MOXD1: variants seen among roughly 807,000 people sequenced by gnomAD.
MOXD1 encodes the protein monooxygenase DBH like 1.
MOXD1 carries 62 observed loss-of-function variants against 66.6 expected under a neutral mutation model. The ratio of observed to expected loss-of-function variants is 0.93; its 90% CI spans 0.76 to 1.15. MOXD1 has a LOEUF of 1.15. Among genes scored for constraint, MOXD1 ranks in the 50% most tolerant of loss-of-function variants. MOXD1 has a pLI of 0.00. For synonymous variants in MOXD1, 303 were observed against 281.9 expected (o/e 1.07, Z -0.75); for missense variants, 847 against 754.6 (o/e 1.12, Z -1.44).
rs571108976 is a variant in MOXD1, at chr6:132,340,506, C to G, written c.664-11912G>C. On this transcript the variant is annotated intron_variant, in intron 4 of 11. Coordinates refer to ENST00000367963, the MANE Select transcript of MOXD1 (RefSeq NM_015529.4). ...AAGGTGGAAATTTTAATTCGGCTAT[C>G]TGGAAAAATATACATATAAAACAAA... Among the ~76,000 whole-genome samples, 14 of 136,906 alleles carry G rather than the reference C, an allele frequency of 1.0e-4. No homozygotes were observed. The South Asian group carries it at 3.0e-3, about 30-fold the overall frequency. 89.8% of individuals were successfully genotyped at this position (136,906 alleles called of 152,430 possible).
intron 1 of MOXD1, among the ~76,000 whole-genome samples, chr6:132,385,838 C>T (rs1582608636): frequency 6.6e-6 from 1 of 152,130 alleles, no homozygotes; most frequent in Admixed American, 6.5e-5. Context: ...CGAGGTGGCT[C>T]ACGCCTGTAA....
chr6:132,372,622 G>A lies in MOXD1; in HGVS notation c.649C>T (p.His217Tyr), dbSNP rs1776286839. The A allele has an allele frequency of 6.2e-7, 1 of 1,612,738 alleles. No homozygotes were observed. Among genetic ancestry groups the A allele is most frequent in the Non-Finnish European group, 8.5e-7 (1 of 1,178,954 alleles). Residue 217 changes from histidine to tyrosine, a missense_variant, in exon 4 of 12, where the codon CAT becomes TAT. Transcript: ENST00000367963. ...GAGTCACATACCTTTATTACATGAT[G>A]CTTTTCTTGGAACACAGGAATCTTA... is the stretch of plus-strand genomic sequence containing the variant. ...MFKIPVFQEK[H>Y]HVIKVEPVIQ...
At chr6:132,322,102 T>C (rs980794953) in intron 8 of MOXD1, among the ~76,000 whole-genome samples, 3 of 152,180 alleles carry the variant, frequency 2.0e-5, no homozygotes, top group South Asian at 2.1e-4. Flanking sequence ...TTGATGGTCA[T>C]GGAATAAAAA....
rs577681724 is a variant in MOXD1, at chr6:132,392,082, C to T, written c.264+9081G>A. The T allele has an allele frequency of 2.2e-3, 2,660 of 1,200,232 alleles. 3 individuals are homozygous for T. The highest frequency in any genetic ancestry group is 2.6e-3 in the Non-Finnish European group (2,302 of 877,230). The allele number at this position is 1,200,232 out of a possible 1,614,324, so 74.3% of individuals were successfully genotyped here. ...GGTTGCACACTCTCTTCATCTCTCC[C>T]TTACAGCCTTTCAATTTGCTTTCCA... On this transcript the variant is annotated intron_variant, in intron 1 of 11. Transcript: ENST00000367963.
At chr6:132,340,638 A>ATC (rs1562287208) in intron 4 of MOXD1, among the ~76,000 whole-genome samples, 9 of 98,784 alleles carry the variant, frequency 9.1e-5, no homozygotes, top group African/African-American at 2.7e-4. Flanking sequence ...AACAAGACTC[A>ATC]TTTTTTTTTT....
chr6:132,356,081 C>G (rs1775905099), intron 4 of MOXD1, among the ~76,000 whole-genome samples: 1 of 152,184 alleles, frequency 6.6e-6, no homozygotes, highest in South Asian at 2.1e-4. Flanking sequence ...CCTCTGGGGA[C>G]AGACAGTACC....
At chr6:132,352,129 T>G (rs187299372) in intron 4 of MOXD1, among the ~76,000 whole-genome samples, 1 of 152,226 alleles carries the variant, frequency 6.6e-6, no homozygotes, top group Admixed American at 6.5e-5. Flanking sequence ...TTTCCATTTC[T>G]TTTAGTTCAG....
intron 1 of MOXD1, among the ~76,000 whole-genome samples, chr6:132,382,539 C>T (rs1311824243): frequency 1.3e-5 from 2 of 152,028 alleles, no homozygotes; most frequent in Non-Finnish European, 2.9e-5. Context: ...CTTGTTTATA[C>T]ATTTTTAGAT....
intron 4 of MOXD1, among the ~76,000 whole-genome samples, chr6:132,330,841 T>C (rs1423220958): frequency 1.3e-5 from 2 of 152,188 alleles, no homozygotes; most frequent in East Asian, 1.9e-4. Flanking sequence ...AAATGGTATG[T>C]AGTGGGTCGT....
intron 10 of MOXD1, among the ~76,000 whole-genome samples, chr6:132,305,690 T>A (rs147639777): frequency 2.0e-5 from 3 of 152,158 alleles, no homozygotes; most frequent in African/African-American, 7.2e-5. Flanking sequence ...TGGAGTGTCA[T>A]CTCCAGGTGT....
chr6:132,385,557 C>T (rs1248608638), intron 1 of MOXD1, among the ~76,000 whole-genome samples: 1 of 151,140 alleles, frequency 6.6e-6, no homozygotes, highest in African/African-American at 2.4e-5. Context: ...AATCTTGGCT[C>T]CCTGCAATCT....
chr6:132,389,833 T>C (rs1776722267), intron 1 of MOXD1, among the ~76,000 whole-genome samples: 1 of 151,436 alleles, frequency 6.6e-6, no homozygotes, highest in Non-Finnish European at 1.5e-5. Context: ...TTTCCTTTTA[T>C]AAGTGAGGTT....
rs926430698 is a variant in MOXD1 at position 132,379,145 on chromosome 6, C to T, written c.265-4368G>A. On this transcript the variant is annotated intron_variant, in intron 1 of 11. Transcript: ENST00000367963. ...AAATAGAAATAGAAATATTTCTTAG[C>T]AAATAGAAGCCAGCAACATAAAAAA... is the stretch of plus-strand genomic sequence containing the variant. Among the ~76,000 whole-genome samples the T allele has an allele frequency of 5.3e-5, 8 of 151,486 alleles. No homozygotes were observed. The South Asian group carries it at 1.7e-3, about 32-fold the overall frequency.
chr6:132,327,975 T>C (rs747661667), intron 6 of MOXD1, 38 bp downstream of exon 6: 3 of 1,551,032 alleles, frequency 1.9e-6, no homozygotes, highest in South Asian at 2.3e-5. Context: ...AAACTTTTTA[T>C]AAAAATCATA....
intron 1 of MOXD1, among the ~76,000 whole-genome samples, chr6:132,384,518 T>C (rs9483440): frequency 6.6e-6 from 1 of 152,142 alleles, no homozygotes; most frequent in Admixed American, 6.5e-5. Context: ...AATTTTTAGA[T>C]AAATACTTAC....
chr6:132,375,584 C>G (rs1174596363), intron 1 of MOXD1, among the ~76,000 whole-genome samples: 1 of 152,106 alleles, frequency 6.6e-6, no homozygotes. Flanking sequence ...CACCGCCACG[C>G]CTGGCTAATG....
Position 132,297,225 on chromosome 6 carries a change from G to C in MOXD1, c.1770C>G (p.His590Gln). The C allele has an allele frequency of 6.2e-7, 1 of 1,613,684 alleles. No homozygotes were observed. Among genetic ancestry groups the C allele is most frequent in the Admixed American group, 1.7e-5 (1 of 59,924 alleles). ...CAAGCAAGTTGATGGAGAAATCTCT[G>C]TGCAGGGAAGAGGAAGAAGACGTGC... is the stretch of plus-strand genomic sequence containing the variant. ...VCGTSSSSSL[H>Q]RDFSINLLVC... Residue 590 changes from histidine to glutamine, a missense_variant, in exon 12 of 12, where the codon CAC becomes CAG. By Grantham distance (24) the His-to-Gln change is conservative. Coordinates refer to ENST00000367963, the MANE Select transcript of MOXD1 (RefSeq NM_015529.4).
At chr6:132,375,337 C>G (rs1225897008) in intron 1 of MOXD1, among the ~76,000 whole-genome samples, 1 of 152,156 alleles carries the variant, frequency 6.6e-6, no homozygotes, top group Non-Finnish European at 1.5e-5. Flanking sequence ...AGAAACAAAA[C>G]TAGTTGAATT....
intron 4 of MOXD1, among the ~76,000 whole-genome samples, chr6:132,349,765 C>T (rs146281312): frequency 6.6e-5 from 10 of 151,740 alleles, no homozygotes; most frequent in South Asian, 2.1e-4. Flanking sequence ...CCCTGATCAC[C>T]GCATCCACAC....
Sources: gnomAD v4.1 joint callset for allele counts (sites outside exome capture counted in the v4.1 genomes callset) on GRCh38, gnomAD v4.1.1 for gene constraint, MANE v1.5 for transcripts, NCBI Gene and HGNC (gene_info 2026-07-23, HGNC 2026-07-21) for gene names.